Variants in SGCZ observed in about 807,000 individuals in gnomAD.
SGCZ encodes the protein sarcoglycan zeta.
Under a neutral mutation model 41.3 loss-of-function variants are expected in SGCZ, and 40 were observed. The observed-to-expected ratio is 0.97, with a 90% CI of 0.75 to 1.26. The LOEUF is 1.26. Among genes scored for constraint, SGCZ ranks in the 50% most tolerant of loss-of-function variants. The probability of loss-of-function intolerance (pLI) is 0.00; values close to 1 mark genes in which losing one functional copy is unlikely to be tolerated. For missense variants in SGCZ, 552 were observed against 369.8 expected, an observed-to-expected ratio of 1.49 and a Z score of -4.04; for synonymous variants, 206 against 137.5, an observed-to-expected ratio of 1.50 and a Z score of -3.49.
intron 2 of SGCZ, among the ~76,000 whole-genome samples, chr8:14,353,945 G>A (rs187610549): frequency 5.9e-5 from 9 of 151,938 alleles, no homozygotes; most frequent in African/African-American, 1.9e-4. Flanking sequence ...AAATAATTTG[G>A]AGAAGTCTAG....
intron 2 of SGCZ, among the ~76,000 whole-genome samples, chr8:14,488,907 A>G (rs974049183): frequency 6.6e-6 from 1 of 151,930 alleles, no homozygotes; most frequent in African/African-American, 2.4e-5. Flanking sequence ...AGTTCTGGAA[A>G]TTTACCCTTT....
chr8:15,042,133 C>T (rs565349488), intron 1 of SGCZ, among the ~76,000 whole-genome samples: 6 of 152,276 alleles, frequency 3.9e-5, no homozygotes, highest in African/African-American at 1.4e-4. Context: ...TTTACCAGCA[C>T]ATTCTGGCTC....
chr8:14,509,642 C>T (rs1049731823), intron 2 of SGCZ, among the ~76,000 whole-genome samples: 2 of 152,074 alleles, frequency 1.3e-5, no homozygotes, highest in Non-Finnish European at 2.9e-5. Context: ...GATGTAGAGG[C>T]CTTTTCACTC....
At chr8:14,689,940 G>T (rs770200559) in intron 1 of SGCZ, among the ~76,000 whole-genome samples, 1 of 152,114 alleles carries the variant, frequency 6.6e-6, no homozygotes, top group Non-Finnish European at 1.5e-5. Flanking sequence ...GAAGAAATTA[G>T]TCAAAAAAGT....
At chr8:14,430,173 G>T (rs1404108614) in intron 2 of SGCZ, among the ~76,000 whole-genome samples, 2 of 151,934 alleles carry the variant, frequency 1.3e-5, no homozygotes, top group Non-Finnish European at 1.5e-5. Context: ...GAGAAAGAGG[G>T]AATCCTCCCT....
At chr8:14,224,277 G>C (rs951567650) in intron 4 of SGCZ, among the ~76,000 whole-genome samples, 3 of 152,068 alleles carry the variant, frequency 2.0e-5, no homozygotes, top group African/African-American at 7.2e-5. Flanking sequence ...TTTAATAGGG[G>C]ATGGAAATAC....
chr8:14,333,808 G>A (rs1802417046), intron 2 of SGCZ, among the ~76,000 whole-genome samples: 2 of 152,048 alleles, frequency 1.3e-5, no homozygotes, highest in South Asian at 4.1e-4. Flanking sequence ...TACCAACTCT[G>A]AAGAAAGACC....
intron 1 of SGCZ, among the ~76,000 whole-genome samples, chr8:14,647,576 C>T (rs1563177468): frequency 6.6e-6 from 1 of 151,918 alleles, no homozygotes; most frequent in Non-Finnish European, 1.5e-5. Flanking sequence ...GTGTTTTAGA[C>T]ATGGTTGTGG....
chr8:15,133,467 A>C (rs1807990411), intron 1 of SGCZ, among the ~76,000 whole-genome samples: 1 of 152,180 alleles, frequency 6.6e-6, no homozygotes, highest in African/African-American at 2.4e-5. Context: ...TTCTGGCTGA[A>C]AAAGTCGATT....
chr8:15,137,525 CTGGGCCCAGGGCCTCCCTGCTGTGT>C (rs1299708842), intron 1 of SGCZ, among the ~76,000 whole-genome samples: 1 of 152,174 alleles, frequency 6.6e-6, no homozygotes, highest in African/African-American at 2.4e-5. Context: ...GTTTCCTGGG[CTGGGCCCAGGGCCTCCCTGCTGTGT>C]GCAGCCTAGG....
intron 2 of SGCZ, among the ~76,000 whole-genome samples, chr8:14,444,480 C>T (rs993999343): frequency 1.3e-5 from 2 of 151,904 alleles, no homozygotes; most frequent in East Asian, 3.9e-4. Context: ...TACTATGCAG[C>T]CATAAAAAAT....
intron 1 of SGCZ, among the ~76,000 whole-genome samples, chr8:15,115,817 T>C (rs576120910): frequency 1.3e-5 from 2 of 152,360 alleles, no homozygotes; most frequent in South Asian, 4.1e-4. Context: ...ATAAACAACT[T>C]TTTCTGCTGT....
At chr8:14,963,087 T>C (rs1263992951) in intron 1 of SGCZ, among the ~76,000 whole-genome samples, 1 of 152,182 alleles carries the variant, frequency 6.6e-6, no homozygotes, top group Non-Finnish European at 1.5e-5. Context: ...CTTTCCATTG[T>C]ATTTCTTTAC....
chr8:14,321,594 T>C (rs1801920244), intron 3 of SGCZ, among the ~76,000 whole-genome samples: 1 of 152,062 alleles, frequency 6.6e-6, no homozygotes, highest in African/African-American at 2.4e-5. Context: ...ACTGGCTAAA[T>C]TTAAAGAGAG....
At chr8:15,096,081 T>G (rs1479080118) in intron 1 of SGCZ, among the ~76,000 whole-genome samples, 1 of 152,092 alleles carries the variant, frequency 6.6e-6, no homozygotes, top group African/African-American at 2.4e-5. Flanking sequence ...TTTTACTTAT[T>G]TATTTATTTT....
intron 1 of SGCZ, among the ~76,000 whole-genome samples, chr8:15,188,473 G>A (rs959122857): frequency 2.0e-5 from 3 of 152,094 alleles, no homozygotes. Flanking sequence ...GACAATTTTT[G>A]TCTTTGTCTT....
intron 2 of SGCZ, among the ~76,000 whole-genome samples, chr8:14,517,570 C>T (rs770053025): frequency 5.9e-5 from 9 of 151,784 alleles, no homozygotes; most frequent in Non-Finnish European, 8.8e-5. Flanking sequence ...TCTTATATGC[C>T]AGATAAATTA....
chr8:15,224,287 C>T (rs1801700152), intron 1 of SGCZ, among the ~76,000 whole-genome samples: 1 of 152,008 alleles, frequency 6.6e-6, no homozygotes, highest in Admixed American at 6.6e-5. Context: ...TTTAAAGACA[C>T]ATTATAATAA....
intron 1 of SGCZ, among the ~76,000 whole-genome samples, chr8:14,842,604 G>T (rs1277298862): frequency 6.6e-6 from 1 of 152,072 alleles, no homozygotes; most frequent in Non-Finnish European, 1.5e-5. Context: ...GATGTAGAGT[G>T]CCAGGCAGGG....
Sources: gnomAD v4.1 joint callset for allele counts (sites outside exome capture counted in the v4.1 genomes callset) on GRCh38, gnomAD v4.1.1 for gene constraint, MANE v1.5 for transcripts, NCBI Gene and HGNC (gene_info 2026-07-23, HGNC 2026-07-21) for gene names.